Variants in ADGRA3 observed in about 807,000 individuals in gnomAD.
The protein encoded by ADGRA3 is G-protein coupled receptor 125.
A neutral mutation model predicts 119.8 loss-of-function variants in ADGRA3; 56 were observed. The ratio of observed to expected loss-of-function variants is 0.47; its 90% confidence interval spans 0.38 to 0.58. The LOEUF (loss-of-function observed/expected upper bound fraction) is 0.58, where lower values mean the gene tolerates loss of function less well. Among genes scored for constraint, ADGRA3 ranks in the 20% least tolerant of loss-of-function variants. The pLI is 0.00. For synonymous variants in ADGRA3, 607 were observed against 623.8 expected, an observed-to-expected ratio of 0.97 and a Z score of 0.40; for missense variants, 1,516 against 1,649.0, an observed-to-expected ratio of 0.92 and a Z score of 1.40.
chr4:22,505,786 C>T (rs75510528), intron 1 of ADGRA3, among the ~76,000 whole-genome samples: 2,740 of 151,998 alleles, frequency 0.018, 35 homozygotes, highest in Middle Eastern at 0.061. Context: ...GGAGGTATGA[C>T]AGATATTGAA....
chr4:22,463,351 T>A (rs1717540014), intron 2 of ADGRA3, among the ~76,000 whole-genome samples: 2 of 152,182 alleles, frequency 1.3e-5, no homozygotes, highest in African/African-American at 4.8e-5. Flanking sequence ...AAGACCTTCC[T>A]GGAAGTAGAC....
intron 16 of ADGRA3, among the ~76,000 whole-genome samples, chr4:22,397,146 TAAGC>T (rs1714388745): frequency 6.6e-6 from 1 of 150,442 alleles, no homozygotes; most frequent in Admixed American, 6.6e-5. Flanking sequence ...GATCCCTGGA[TAAGC>T]ACCAGTGAAT....
chr4:22,506,320 A>G (rs1011485509), intron 1 of ADGRA3, among the ~76,000 whole-genome samples: 6 of 152,170 alleles, frequency 3.9e-5, no homozygotes, highest in African/African-American at 1.4e-4. Context: ...TGGGAGGCCA[A>G]GGTGCACCAA....
intron 12 of ADGRA3, chr4:22,420,630 AC>A (rs1224289012): frequency 3.6e-6 from 2 of 550,116 alleles, no homozygotes; most frequent in Admixed American, 3.4e-5. Flanking sequence ...TTGCATTTAT[AC>A]CACTGCAGTT....
At chr4:22,496,776 A>G (rs932080697) in intron 1 of ADGRA3, among the ~76,000 whole-genome samples, 4 of 152,246 alleles carry the variant, frequency 2.6e-5, no homozygotes, top group Non-Finnish European at 5.9e-5. Context: ...TATGAGTCCA[A>G]TGCTGGACAA....
intron 1 of ADGRA3, among the ~76,000 whole-genome samples, chr4:22,505,112 A>G (rs1470248446): frequency 2.0e-5 from 3 of 152,064 alleles, no homozygotes; most frequent in Non-Finnish European, 4.4e-5. Flanking sequence ...ACACATCATC[A>G]TTGTCTATCT....
chr4:22,486,969 A>G (rs935768018), intron 1 of ADGRA3, among the ~76,000 whole-genome samples: 7 of 152,178 alleles, frequency 4.6e-5, no homozygotes, highest in East Asian at 1.9e-4. Flanking sequence ...GCAATTGGAC[A>G]TCACAGCTAG....
At chr4:22,514,965 A>T (rs1719588212) in intron 1 of ADGRA3, among the ~76,000 whole-genome samples, 2 of 152,220 alleles carry the variant, frequency 1.3e-5, no homozygotes, top group South Asian at 4.1e-4. Context: ...GATTGATCTG[A>T]AATGTTTCCA....
At chr4:22,479,602 C>A in intron 1 of ADGRA3, among the ~76,000 whole-genome samples, 1 of 152,186 alleles carries the variant, frequency 6.6e-6, no homozygotes, top group African/African-American at 2.4e-5. Context: ...TCCTCAAGGA[C>A]CTAGAACCAG....
intron 10 of ADGRA3, among the ~76,000 whole-genome samples, chr4:22,427,123 G>A (rs1218232303): frequency 6.6e-6 from 1 of 152,118 alleles, no homozygotes; most frequent in African/African-American, 2.4e-5. Context: ...AATAAAAGAG[G>A]TAAAAGAGAT....
intron 2 of ADGRA3, among the ~76,000 whole-genome samples, chr4:22,465,383 G>C (rs1238610166): frequency 1.3e-5 from 2 of 152,120 alleles, no homozygotes; most frequent in African/African-American, 2.4e-5. Context: ...CTAAACCTAG[G>C]ACTTGTGGGA....
rs1713922604 is a variant in ADGRA3 at position 22,388,091 on chromosome 4, C to T, written c.3580G>A (p.Val1194Ile). 1 of 1,614,042 alleles carries T rather than the reference C, an allele frequency of 6.2e-7. No homozygotes were observed. Among genetic ancestry groups the T allele is most frequent in the Non-Finnish European group, 8.5e-7 (1 of 1,180,028 alleles). ...LTVLREYAYD[V>I]PTSVEGSVQN... ...ACGCTTCCTTCCACGCTCGTTGGGA[C>T]ATCGTAGGCATATTCTCTCAGGACT... The change falls in exon 19 of 19, where the codon GTC (valine) becomes ATC (isoleucine). Residue 1194 changes from valine to isoleucine, a missense_variant. Physicochemically the swap from Val to Ile is conservative, Grantham distance 29 (BLOSUM62 3). Coordinates refer to ENST00000334304, the MANE Select transcript of ADGRA3 (RefSeq NM_145290.4).
chr4:22,406,946 C>T (rs1714959935), intron 14 of ADGRA3, among the ~76,000 whole-genome samples: 1 of 152,078 alleles, frequency 6.6e-6, no homozygotes, highest in Non-Finnish European at 1.5e-5. Flanking sequence ...GCTTTCCCAC[C>T]TTTAAAAAAA....
chr4:22,502,275 G>A (rs530575111), intron 1 of ADGRA3, among the ~76,000 whole-genome samples: 102 of 152,276 alleles, frequency 6.7e-4, no homozygotes, highest in Admixed American at 4.1e-3. Flanking sequence ...CAAGCTAAAG[G>A]ACCAGAAGAG....
intron 1 of ADGRA3, among the ~76,000 whole-genome samples, chr4:22,489,300 A>G (rs1019389482): frequency 2.0e-5 from 3 of 152,164 alleles, no homozygotes; most frequent in Admixed American, 2.0e-4. Context: ...CCCTCCCATA[A>G]CACGTGAAAA....
chr4:22,501,932 T>TC (rs945155300), intron 1 of ADGRA3, among the ~76,000 whole-genome samples: 14 of 151,824 alleles, frequency 9.2e-5, no homozygotes, highest in African/African-American at 3.1e-4. Context: ...TAATTTTTTT[T>TC]TTCCCCATCA....
chr4:22,514,312 C>T (rs757916588), intron 1 of ADGRA3, among the ~76,000 whole-genome samples: 1 of 152,042 alleles, frequency 6.6e-6, no homozygotes, highest in South Asian at 2.1e-4. Flanking sequence ...GTGTTAGTAA[C>T]GGAGTCAAAT....
At chr4:22,511,895 C>CTTTTTTTTTTTTTT (rs5856700) in intron 1 of ADGRA3, among the ~76,000 whole-genome samples, 5 of 102,614 alleles carry the variant, frequency 4.9e-5, no homozygotes, top group Non-Finnish European at 7.1e-5. Context: ...TTCTTTCTTT[C>CTTTTTTTTTTTTTT]TTTTTTTTTT....
At chr4:22,513,198 C>T (rs1291174674) in intron 1 of ADGRA3, among the ~76,000 whole-genome samples, 4 of 145,956 alleles carry the variant, frequency 2.7e-5, no homozygotes, top group East Asian at 2.0e-4. Flanking sequence ...CAGGCTGGAG[C>T]GCAATGGTGC....
Sources: gnomAD v4.1 joint callset for allele counts (sites outside exome capture counted in the v4.1 genomes callset) on GRCh38, gnomAD v4.1.1 for gene constraint, MANE v1.5 for transcripts, NCBI Gene and HGNC (gene_info 2026-07-23, HGNC 2026-07-21) for gene names.